Variants in ADAM32 observed in about 807,000 individuals in gnomAD.
ADAM32 encodes the protein ADAM metallopeptidase domain 32.
In ADAM32, 89 loss-of-function variants were observed where a neutral mutation model predicts 114.9. The ratio of observed to expected loss-of-function variants is 0.77; its 90% CI spans 0.65 to 0.92. The LOEUF is 0.92. ADAM32 is among the 40% of genes least tolerant of loss of function. ADAM32 has a pLI of 0.00. For missense variants in ADAM32, 870 were observed against 932.8 expected (o/e 0.93, Z 0.88); for synonymous variants, 285 against 307.5 (o/e 0.93, Z 0.77).
chr8:39,249,341 A>G (rs1811142363), intron 17 of ADAM32, among the ~76,000 whole-genome samples: 1 of 152,228 alleles, frequency 6.6e-6, no homozygotes, highest in Non-Finnish European at 1.5e-5. Context: ...CATGCCTGCG[A>G]TAAATCTTGT....
chr8:39,195,504 C>T (rs1806920845), intron 11 of ADAM32, among the ~76,000 whole-genome samples: 1 of 152,062 alleles, frequency 6.6e-6, no homozygotes, highest in Non-Finnish European at 1.5e-5. Flanking sequence ...ATAAAATCTG[C>T]CTAGAACAAT....
upstream of ADAM32, chr8:39,107,689 A>C (rs1163085986): frequency 1.3e-6 from 2 of 1,540,832 alleles, no homozygotes; most frequent in East Asian, 5.0e-5. Context: ...ACGTGCGGGG[A>C]GCGGCCCCCG....
At chr8:39,150,015 C>G in intron 5 of ADAM32, 148 bp downstream of exon 5, 2 of 530,202 alleles carry the variant, frequency 3.8e-6, no homozygotes, top group Non-Finnish European at 6.3e-6. Flanking sequence ...GTTTCCAATT[C>G]TCTTATTTCT....
At chr8:39,249,064 C>A (rs934958763) in intron 17 of ADAM32, among the ~76,000 whole-genome samples, 38 of 151,680 alleles carry the variant, frequency 2.5e-4, no homozygotes, top group African/African-American at 8.2e-4. Context: ...CCACCATGCC[C>A]GGATAATTTT....
At chr8:39,133,661 G>T (rs1210981674) in intron 2 of ADAM32, among the ~76,000 whole-genome samples, 2 of 152,218 alleles carry the variant, frequency 1.3e-5, no homozygotes, top group Non-Finnish European at 2.9e-5. Context: ...CCTGGCTGGT[G>T]CATGTGGGTG....
At chr8:39,161,684 C>T (rs1225646682) in intron 7 of ADAM32, among the ~76,000 whole-genome samples, 1 of 152,108 alleles carries the variant, frequency 6.6e-6, no homozygotes, top group Non-Finnish European at 1.5e-5. Flanking sequence ...ATGACTAATA[C>T]TCTTTACCAA....
At chr8:39,218,157 G>T (rs1241719239) in intron 12 of ADAM32, among the ~76,000 whole-genome samples, 1 of 152,034 alleles carries the variant, frequency 6.6e-6, no homozygotes, top group Non-Finnish European at 1.5e-5. Flanking sequence ...ATATCCAGAA[G>T]AATTCTCTGG....
At chr8:39,172,185 A>AAACC (rs1805243762) in intron 10 of ADAM32, among the ~76,000 whole-genome samples, 1 of 152,130 alleles carries the variant, frequency 6.6e-6, no homozygotes, top group South Asian at 2.1e-4. Context: ...GTTATGGGTG[A>AAACC]AACCAACTGC....
chr8:39,202,608 T>A (rs1462773921), intron 11 of ADAM32, among the ~76,000 whole-genome samples: 1 of 152,098 alleles, frequency 6.6e-6, no homozygotes, highest in Non-Finnish European at 1.5e-5. Flanking sequence ...TTTTGAAGGG[T>A]TTTCTTTTGT....
chr8:39,109,267 C>T (rs530900966), intron 1 of ADAM32, among the ~76,000 whole-genome samples: 69 of 152,200 alleles, frequency 4.5e-4, no homozygotes, highest in African/African-American at 1.6e-3. Context: ...AACGGCCAGG[C>T]GTGGTGGCTC....
chr8:39,159,722 G>A lies in ADAM32; in HGVS notation c.526-1175G>A, dbSNP rs1412284033. Among the ~76,000 whole-genome samples, 6 of 152,290 alleles carry A rather than the reference G, an allele frequency of 3.9e-5. No individual in the cohort carries two copies. The East Asian group carries it at 5.8e-4, about 15-fold the overall frequency. On this transcript the variant is annotated intron_variant, in intron 6 of 24. Transcript: ENST00000379907. ...CAACCCTGTGAAATTTCATGGTGGA[G>A]GAAACAAAGGAAAGCTCTTGAGCAA...
At chr8:39,119,636 A>G (rs2129444377) in intron 2 of ADAM32, among the ~76,000 whole-genome samples, 1 of 150,912 alleles carries the variant, frequency 6.6e-6, no homozygotes, top group Non-Finnish European at 1.5e-5. Flanking sequence ...ATTTTCTCCC[A>G]ATTTCTGGCT....
chr8:39,234,150 T>C, intron 16 of ADAM32, 68 bp downstream of exon 16: 1 of 1,134,692 alleles, frequency 8.8e-7, no homozygotes, highest in Non-Finnish European at 1.1e-6. Flanking sequence ...TATTTAAGTA[T>C]CAAATTTTAA....
chr8:39,251,894 C>T (rs2129450374), intron 17 of ADAM32, among the ~76,000 whole-genome samples: 1 of 151,814 alleles, frequency 6.6e-6, no homozygotes, highest in African/African-American at 2.4e-5. Flanking sequence ...TATTTTTGTA[C>T]ACAGTGAAAG....
chr8:39,113,959 T>C lies in ADAM32; in HGVS notation c.59-4127T>C, dbSNP rs1168493392. Among the ~76,000 whole-genome samples the C allele has an allele frequency of 2.0e-5, 3 of 151,612 alleles. No individual in the cohort carries two copies. The East Asian group carries it at 5.8e-4, about 30-fold the overall frequency. ...ACTGCATATTAGGTATTAGGAGACG[T>C]GTTGATTTTTTTCAACAAATCAACA... is the stretch of plus-strand genomic sequence containing the variant. On this transcript the variant is annotated intron_variant, in intron 1 of 24. Coordinates refer to ENST00000379907, the MANE Select transcript of ADAM32 (RefSeq NM_145004.7).
chr8:39,172,166 C>T (rs1202745892), intron 10 of ADAM32, among the ~76,000 whole-genome samples: 1 of 151,980 alleles, frequency 6.6e-6, no homozygotes, highest in Non-Finnish European at 1.5e-5. Flanking sequence ...TTTCTAACTT[C>T]TTTTACTTGT....
intron 11 of ADAM32, among the ~76,000 whole-genome samples, chr8:39,196,612 T>G (rs188908846): frequency 4.6e-5 from 7 of 152,308 alleles, no homozygotes; most frequent in African/African-American, 1.7e-4. Flanking sequence ...TTGTCCTTCA[T>G]TCTGTTGATG....
At chr8:39,159,767 G>C (rs1462205863) in intron 6 of ADAM32, among the ~76,000 whole-genome samples, 1 of 152,152 alleles carries the variant, frequency 6.6e-6, no homozygotes, top group East Asian at 1.9e-4. Context: ...GGAGCCACTG[G>C]ACAGCTCAAA....
chr8:39,115,347 C>T (rs943457268), intron 1 of ADAM32, among the ~76,000 whole-genome samples: 1 of 152,144 alleles, frequency 6.6e-6, no homozygotes, highest in African/African-American at 2.4e-5. Context: ...ACACTGCTTT[C>T]CACAGTGGTT....
Sources: gnomAD v4.1 joint callset for allele counts (sites outside exome capture counted in the v4.1 genomes callset) on GRCh38, gnomAD v4.1.1 for gene constraint, MANE v1.5 for transcripts, NCBI Gene and HGNC (gene_info 2026-07-23, HGNC 2026-07-21) for gene names.